KCNB2: variants seen among roughly 807,000 people sequenced by gnomAD.
The protein encoded by KCNB2 is potassium voltage-gated channel subfamily B member 2, also known as delayed rectifier potassium channel protein.
KCNB2 carries 15 observed loss-of-function variants against 61.5 expected under a neutral mutation model. The observed-to-expected ratio is 0.24, with a 90% CI of 0.16 to 0.38. The LOEUF (loss-of-function observed/expected upper bound fraction) is 0.38, where lower values mean the gene tolerates loss of function less well. KCNB2 is among the 10% of genes least tolerant of loss of function. The pLI, the probability that KCNB2 is intolerant of heterozygous loss-of-function variation, is 1.00. For missense variants in KCNB2, 828 were observed against 1,125.2 expected (o/e 0.74, Z 3.78); for synonymous variants, 457 against 446.0 (o/e 1.02, Z -0.31).
At chr8:72,743,534 A>T (rs1351979901) in intron 2 of KCNB2, among the ~76,000 whole-genome samples, 2 of 152,222 alleles carry the variant, frequency 1.3e-5, no homozygotes, top group Non-Finnish European at 2.9e-5. Context: ...AAGGGATCGC[A>T]GCTAGTTAAA....
chr8:72,632,841 A>G (rs1805901770), intron 2 of KCNB2, among the ~76,000 whole-genome samples: 1 of 152,196 alleles, frequency 6.6e-6, no homozygotes, highest in African/African-American at 2.4e-5. Flanking sequence ...TTTTATGTCT[A>G]TTTGTTAAAC....
intron 2 of KCNB2, among the ~76,000 whole-genome samples, chr8:72,681,498 G>A (rs960876590): frequency 2.6e-5 from 4 of 152,076 alleles, no homozygotes; most frequent in Non-Finnish European, 4.4e-5. Flanking sequence ...AACATGCATA[G>A]AGCTGTCACC....
chr8:72,649,883 A>C (rs1359109371), intron 2 of KCNB2, among the ~76,000 whole-genome samples: 1 of 152,130 alleles, frequency 6.6e-6, no homozygotes, highest in East Asian at 1.9e-4. Context: ...ATTGCAACCG[A>C]AAGGATGACT....
intron 2 of KCNB2, among the ~76,000 whole-genome samples, chr8:72,638,283 A>C (rs1805999453): frequency 1.3e-5 from 2 of 152,052 alleles, no homozygotes. Context: ...ATTACAGTGC[A>C]ACTAGAGTGA....
At chr8:72,603,348 G>C (rs1172804538) in intron 2 of KCNB2, among the ~76,000 whole-genome samples, 3 of 152,054 alleles carry the variant, frequency 2.0e-5, no homozygotes, top group Non-Finnish European at 4.4e-5. Context: ...TTGCACTCTG[G>C]CTATACTGTT....
intron 2 of KCNB2, among the ~76,000 whole-genome samples, chr8:72,651,716 G>T (rs4467978): frequency 0.028 from 4,222 of 151,976 alleles, 76 homozygotes; most frequent in South Asian, 0.073. Context: ...ACATCCAGTC[G>T]ATCCAGTAAC....
chr8:72,748,900 A>G (rs920452545), intron 2 of KCNB2, among the ~76,000 whole-genome samples: 3 of 152,054 alleles, frequency 2.0e-5, no homozygotes, highest in East Asian at 3.9e-4. Flanking sequence ...TTGAAACACA[A>G]TACATTGCTA....
At position 72,561,768 on chromosome 8, in the gene KCNB2, TATATATATGGATATATATATAC is replaced by T. The variant is rs1806534004; in HGVS notation, c.-93-5865_-93-5844del. Reference sequence around the variant, plus strand: ...ATATGTATATATATATATGGATATATATATATATGGATATATATATACATATATATATATATGAATGATAGTT... The same window carrying T: ...ATATGTATATATATATATGGATATATATATATATATATATGAATGATAGTT... On this transcript the variant is annotated intron_variant, in intron 1 of 2. Transcript: ENST00000523207. Among the ~76,000 whole-genome samples, 33 of 31,750 alleles carry T rather than the reference TATATATATGGATATATATATAC, an allele frequency of 1.0e-3. 1 individual carries two copies. The highest frequency in any genetic ancestry group is 4.2e-3 in the African/African-American group (25 of 5,920). 20.8% of individuals were successfully genotyped at this position (31,750 alleles called of 152,430 possible).
chr8:72,621,477 C>T (rs1165418235), intron 2 of KCNB2, among the ~76,000 whole-genome samples: 1 of 152,164 alleles, frequency 6.6e-6, no homozygotes, highest in African/African-American at 2.4e-5. Context: ...TCTTTTTATA[C>T]CATAGTAATG....
intron 2 of KCNB2, among the ~76,000 whole-genome samples, chr8:72,759,774 G>A (rs1808347105): frequency 6.6e-6 from 1 of 152,166 alleles, no homozygotes; most frequent in Non-Finnish European, 1.5e-5. Flanking sequence ...TGGGTAAGGT[G>A]GCTCAGCAGG....
chr8:72,938,002 T>C lies in KCNB2; in HGVS notation c.2647T>C (p.Cys883Arg), dbSNP rs776339998. The C allele has an allele frequency of 1.2e-5, 20 of 1,614,032 alleles. No individual in the cohort carries two copies. Among genetic ancestry groups the C allele is most frequent in the Non-Finnish European group, 1.7e-5 (20 of 1,179,994 alleles). Reference protein sequence around the residue: ...EVKKDSSQEGCKMENHLFAPE... With the variant: ...EVKKDSSQEGRKMENHLFAPE... ...CAAAAAGGACAGTAGTCAAGAAGGG[T>C]GCAAGATGGAAAATCACTTGTTTGC... Residue 883 changes from cysteine (C) to arginine (R), a missense_variant, in exon 3 of 3, where the codon TGC becomes CGC. By Grantham distance (180) the Cys-to-Arg change is radical. Around this residue, in one of 4 missense-constraint regions of KCNB2, gnomAD observed 559 missense variants for 588.4 expected, o/e 0.95. Transcript: ENST00000523207.
chr8:72,729,547 G>C (rs1178731105), intron 2 of KCNB2, among the ~76,000 whole-genome samples: 1 of 152,148 alleles, frequency 6.6e-6, no homozygotes, highest in African/African-American at 2.4e-5. Flanking sequence ...ATTTTATGAA[G>C]TACGAAGACA....
At chr8:72,630,301 T>C (rs1413992747) in intron 2 of KCNB2, among the ~76,000 whole-genome samples, 1 of 152,188 alleles carries the variant, frequency 6.6e-6, no homozygotes, top group African/African-American at 2.4e-5. Context: ...TTCTAGAATA[T>C]TTAATAAAAT....
At chr8:72,677,776 C>A (rs1806684903) in intron 2 of KCNB2, among the ~76,000 whole-genome samples, 1 of 152,098 alleles carries the variant, frequency 6.6e-6, no homozygotes, top group Non-Finnish European at 1.5e-5. Context: ...TCAATTATAT[C>A]TCAATGAAGC....
At chr8:72,807,902 CTT>C (rs1809249707) in intron 2 of KCNB2, among the ~76,000 whole-genome samples, 1 of 152,150 alleles carries the variant, frequency 6.6e-6, no homozygotes, top group Non-Finnish European at 1.5e-5. Flanking sequence ...TTTACTTACT[CTT>C]ATTTCTTTGG....
At chr8:72,927,538 G>A (rs891412576) in intron 2 of KCNB2, among the ~76,000 whole-genome samples, 4 of 152,120 alleles carry the variant, frequency 2.6e-5, no homozygotes, top group South Asian at 4.2e-4. Context: ...CCCAAAGTGC[G>A]GGGATTACAG....
chr8:72,859,341 T>A (rs1388538873), intron 2 of KCNB2, among the ~76,000 whole-genome samples: 1 of 152,208 alleles, frequency 6.6e-6, no homozygotes, highest in Non-Finnish European at 1.5e-5. Flanking sequence ...TGATGCCTAT[T>A]TCAAATAACA....
chr8:72,709,965 G>T (rs1481630906), intron 2 of KCNB2, among the ~76,000 whole-genome samples: 1 of 152,160 alleles, frequency 6.6e-6, no homozygotes. Context: ...GAATGAAGCT[G>T]TAAAGTAGGG....
intron 2 of KCNB2, among the ~76,000 whole-genome samples, chr8:72,592,492 CTGCA>C (rs1807116618): frequency 6.7e-6 from 1 of 150,156 alleles, no homozygotes; most frequent in Admixed American, 6.7e-5. Flanking sequence ...TGGTTCATTT[CTGCA>C]TGTAAAGTCT....
Sources: gnomAD v4.1 joint callset for allele counts (sites outside exome capture counted in the v4.1 genomes callset) on GRCh38, gnomAD v4.1.1 for gene constraint, gnomAD v4.1.1 regional missense constraint, MANE v1.5 for transcripts, NCBI Gene and HGNC (gene_info 2026-07-23, HGNC 2026-07-21) for gene names.